The following ZBTB20 variants were observed in gnomAD, a reference collection of about 807,000 sequenced individuals.
ZBTB20 encodes zinc finger and BTB domain-containing protein 20.
ZBTB20 carries 9 observed loss-of-function variants against 56.9 expected under a neutral mutation model. The ratio of observed to expected loss-of-function variants is 0.16; its 90% CI spans 0.10 to 0.28. The LOEUF is 0.28. Ranked by LOEUF, ZBTB20 falls within the 10% of genes least tolerant of loss-of-function variation. The pLI is 1.00. For missense variants in ZBTB20, 655 were observed against 1,003.0 expected, an observed-to-expected ratio of 0.65 and a Z score of 4.69; for synonymous variants, 417 against 420.7, an observed-to-expected ratio of 0.99 and a Z score of 0.11.
intron 4 of ZBTB20, among the ~76,000 whole-genome samples, chr3:114,814,293 T>G (rs2072770664): frequency 6.7e-6 from 1 of 150,034 alleles, no homozygotes. Context: ...TATTTATACA[T>G]AAATATATTT....
chr3:114,572,573 GGA>G (rs908175591), intron 6 of ZBTB20, among the ~76,000 whole-genome samples: 4 of 152,280 alleles, frequency 2.6e-5, no homozygotes, highest in Admixed American at 1.3e-4. Context: ...GAGGCCTGAG[GGA>G]GAGAGAGTAG....
At chr3:114,895,089 T>C (rs1456837975) in intron 4 of ZBTB20, among the ~76,000 whole-genome samples, 1 of 152,202 alleles carries the variant, frequency 6.6e-6, no homozygotes, top group Non-Finnish European at 1.5e-5. Flanking sequence ...GATCATCTAG[T>C]TATTATTAAA....
chr3:114,854,435 C>T (rs1415813839), intron 4 of ZBTB20, among the ~76,000 whole-genome samples: 1 of 152,148 alleles, frequency 6.6e-6, no homozygotes, highest in African/African-American at 2.4e-5. Context: ...ATCAGTGAGT[C>T]TGCCTCTAGA....
chr3:114,426,270 G>A (rs370893877), intron 7 of ZBTB20, among the ~76,000 whole-genome samples: 12 of 149,948 alleles, frequency 8.0e-5, no homozygotes, highest in South Asian at 4.2e-4. Context: ...ACCTGGAGGC[G>A]GAGCTTGTAG....
chr3:114,951,496 T>C (rs559627746), intron 3 of ZBTB20, among the ~76,000 whole-genome samples: 33 of 152,226 alleles, frequency 2.2e-4, no homozygotes, highest in African/African-American at 7.7e-4. Flanking sequence ...ATGAATACAA[T>C]TAAGAATGAA....
chr3:114,976,495 G>A (rs1248419900), intron 2 of ZBTB20, among the ~76,000 whole-genome samples: 16 of 151,860 alleles, frequency 1.1e-4, no homozygotes, highest in South Asian at 4.2e-4. Context: ...GCGTGGTGGC[G>A]GGCACCTGTA....
rs1373649644 is a variant in ZBTB20, at chr3:114,329,710, A to G, written c.*9295T>C. On this transcript the variant is annotated 3_prime_UTR_variant, in exon 12 of 12. Coordinates refer to ENST00000675478, the MANE Select transcript of ZBTB20 (RefSeq NM_001348800.3). ...GAAACTCTGGTTTTACTTTTTTTGGAAAAAAAAAAAAAAAAAAAAAAAAAA... is the reference window on the plus strand; with the variant it reads ...GAAACTCTGGTTTTACTTTTTTTGGGAAAAAAAAAAAAAAAAAAAAAAAAA... 3.3e-4 allele frequency: 2 copies of G among 6,096 alleles called. No homozygotes were observed. The highest frequency in any genetic ancestry group is 1.6e-3 in the Non-Finnish European group (2 of 1,238). 0.4% of individuals were successfully genotyped at this position (6,096 alleles called of 1,614,324 possible).
At chr3:114,991,951 T>C (rs1279978463) in intron 2 of ZBTB20, among the ~76,000 whole-genome samples, 1 of 152,092 alleles carries the variant, frequency 6.6e-6, no homozygotes, top group Non-Finnish European at 1.5e-5. Context: ...GTTTTCCATT[T>C]GCTCCGTAGA....
chr3:114,355,233 C>T (rs775406743), intron 10 of ZBTB20, among the ~76,000 whole-genome samples: 9 of 152,026 alleles, frequency 5.9e-5, no homozygotes, highest in Non-Finnish European at 1.3e-4. Context: ...AAATTTTGTT[C>T]ATCTAAACAA....
intron 4 of ZBTB20, among the ~76,000 whole-genome samples, chr3:114,882,740 A>C (rs2076443766): frequency 6.6e-6 from 1 of 152,070 alleles, no homozygotes; most frequent in South Asian, 2.1e-4. Context: ...TTTTAAATTA[A>C]AGGTATATAG....
chr3:114,975,611 A>C (rs1451643915), intron 2 of ZBTB20, among the ~76,000 whole-genome samples: 1 of 152,206 alleles, frequency 6.6e-6, no homozygotes, highest in Non-Finnish European at 1.5e-5. Flanking sequence ...GGGGTGCATC[A>C]GCATTATTAC....
intron 11 of ZBTB20, among the ~76,000 whole-genome samples, chr3:114,343,196 G>A (rs2079924636): frequency 6.6e-6 from 1 of 151,950 alleles, no homozygotes; most frequent in Non-Finnish European, 1.5e-5. Flanking sequence ...GATGCAGAGG[G>A]TTCTGCCTGA....
chr3:114,585,640 A>T (rs779837712), intron 6 of ZBTB20, among the ~76,000 whole-genome samples: 23 of 152,112 alleles, frequency 1.5e-4, no homozygotes, highest in Non-Finnish European at 2.8e-4. Flanking sequence ...TGCCCCCTGT[A>T]CCACTATACC....
chr3:114,952,307 C>T (rs1273135486), intron 3 of ZBTB20, among the ~76,000 whole-genome samples: 2 of 151,958 alleles, frequency 1.3e-5, no homozygotes, highest in Non-Finnish European at 2.9e-5. Context: ...GGCCCAGTGT[C>T]CTCTCTGTCA....
chr3:114,959,720 T>TAC (rs56785871), intron 3 of ZBTB20, among the ~76,000 whole-genome samples: 20,478 of 145,070 alleles, frequency 0.14, 1,460 homozygotes, highest in Middle Eastern at 0.26. Context: ...TTTATATACA[T>TAC]ACACACACAC....
chr3:114,682,500 G>A (rs1560121712), intron 6 of ZBTB20, among the ~76,000 whole-genome samples: 1 of 152,084 alleles, frequency 6.6e-6, no homozygotes, highest in Non-Finnish European at 1.5e-5. Flanking sequence ...AATAGAATTC[G>A]CACTCTTCAT....
At chr3:114,950,751 A>C (rs897052161) in intron 3 of ZBTB20, among the ~76,000 whole-genome samples, 3 of 152,166 alleles carry the variant, frequency 2.0e-5, no homozygotes, top group African/African-American at 7.2e-5. Context: ...AATGGCTTCA[A>C]ACTGGAAATA....
intron 1 of ZBTB20, among the ~76,000 whole-genome samples, chr3:115,142,893 C>G: frequency 6.6e-6 from 1 of 152,022 alleles, no homozygotes; most frequent in East Asian, 1.9e-4. Flanking sequence ...GCGTGACAAA[C>G]CCTCCACGGC....
At chr3:114,728,090 G>A (rs1462595741) in intron 5 of ZBTB20, among the ~76,000 whole-genome samples, 1 of 152,100 alleles carries the variant, frequency 6.6e-6, no homozygotes, top group Non-Finnish European at 1.5e-5. Context: ...GTACAGATTA[G>A]GTCAGGCAAT....
Sources: gnomAD v4.1 joint callset for allele counts (sites outside exome capture counted in the v4.1 genomes callset) on GRCh38, gnomAD v4.1.1 for gene constraint, MANE v1.5 for transcripts, NCBI Gene and HGNC (gene_info 2026-07-23, HGNC 2026-07-21) for gene names.